KRT7: variants seen among roughly 807,000 people sequenced by gnomAD.
KRT7 encodes keratin 7.
In KRT7, 50 loss-of-function variants were observed where a neutral mutation model predicts 42.8. The observed-to-expected ratio is 1.17, with a 90% confidence interval of 0.93 to 1.48. The LOEUF is 1.48. KRT7 is among the 40% of genes most tolerant of loss of function. The pLI, the probability that KRT7 is intolerant of heterozygous loss-of-function variation, is 0.00. For missense variants in KRT7, 588 were observed against 637.6 expected (o/e 0.92, Z 0.84); for synonymous variants, 268 against 266.3 (o/e 1.01, Z -0.06).
intron 4 of KRT7, among the ~76,000 whole-genome samples, chr12:52,241,210 G>A (rs1942082997): frequency 6.6e-6 from 1 of 152,130 alleles, no homozygotes; most frequent in Admixed American, 6.5e-5. Context: ...AGTCACCACA[G>A]CGCACCACAC....
chr12:52,251,583 T>C (rs1386804803), downstream of KRT7, among the ~76,000 whole-genome samples: 1 of 152,244 alleles, frequency 6.6e-6, no homozygotes, highest in Admixed American at 6.5e-5. Context: ...AAGGCAACTG[T>C]AACACCATGG....
chr12:52,234,816 A>C (rs967906879), intron 1 of KRT7, among the ~76,000 whole-genome samples: 1 of 152,222 alleles, frequency 6.6e-6, no homozygotes, highest in African/African-American at 2.4e-5. Context: ...GGGCCTGGTC[A>C]TCCTCATGAT....
rs980057426 is a variant in KRT7 at position 52,237,442 on chromosome 12, T to G, written c.537-67T>G. 45 of 1,167,616 alleles carry G rather than the reference T, an allele frequency of 3.9e-5. No homozygotes were observed. The Admixed American group carries it at 8.3e-4, about 22-fold the overall frequency. The allele number at this position is 1,167,616 out of a possible 1,614,324, so 72.3% of individuals were successfully genotyped here. A position where few individuals can be genotyped will look rare whatever the true frequency, so the allele number is the denominator to read the frequency against. ...AGGCAGGGCAGATTTCACAGCTGCA[T>G]ATGGCGGAGGGGGGACGGGAGCATG... On this transcript the variant is annotated intron_variant, in intron 2 of 8. Coordinates refer to ENST00000331817, the MANE Select transcript of KRT7 (RefSeq NM_005556.4).
At chr12:52,240,629 CA>C (rs919934726) in intron 4 of KRT7, among the ~76,000 whole-genome samples, 5 of 131,492 alleles carry the variant, frequency 3.8e-5, no homozygotes, top group Middle Eastern at 4.2e-3. Flanking sequence ...AACTCTGTCT[CA>C]AAAAAAAAGA....
chr12:52,244,130 C>T (rs1327758920), intron 6 of KRT7, among the ~76,000 whole-genome samples: 1 of 152,200 alleles, frequency 6.6e-6, no homozygotes, highest in Non-Finnish European at 1.5e-5. Context: ...AAGCTGATTT[C>T]CAGATGAGCT....
At chr12:52,236,928 C>T (rs770551658) in intron 2 of KRT7, among the ~76,000 whole-genome samples, 2 of 152,104 alleles carry the variant, frequency 1.3e-5, no homozygotes, top group African/African-American at 4.8e-5. Context: ...CTTTGTGTAT[C>T]CCTCATCCTG....
chr12:52,251,543 C>T (rs765650744), downstream of KRT7, among the ~76,000 whole-genome samples: 8 of 152,238 alleles, frequency 5.3e-5, no homozygotes, highest in Admixed American at 1.3e-4. Flanking sequence ...AGCTACAAAT[C>T]TGTACAGCAT....
At chr12:52,240,350 C>T (rs1044997415) in intron 4 of KRT7, among the ~76,000 whole-genome samples, 2 of 152,180 alleles carry the variant, frequency 1.3e-5, no homozygotes, top group African/African-American at 4.8e-5. Flanking sequence ...GATTACTTGG[C>T]CAGGCGTGGT....
downstream of KRT7, chr12:52,251,915 A>T (rs1942271236): frequency 4.1e-6 from 2 of 482,396 alleles, no homozygotes; most frequent in African/African-American, 3.9e-5. Flanking sequence ...GTTGAGGCAG[A>T]GACTACATGG....
intron 2 of KRT7, among the ~76,000 whole-genome samples, chr12:52,236,738 A>G (rs1283031198): frequency 1.3e-5 from 2 of 152,048 alleles, no homozygotes; most frequent in Non-Finnish European, 2.9e-5. Flanking sequence ...CTTGTTTCCA[A>G]CACCTTTTTT....
chr12:52,244,416 C>T (rs755546943), intron 6 of KRT7: 229 of 985,582 alleles, frequency 2.3e-4, no homozygotes, highest in Admixed American at 6.1e-4. Flanking sequence ...CACTGAGGGG[C>T]GTCATGGGGA....
intron 2 of KRT7, among the ~76,000 whole-genome samples, chr12:52,236,203 C>CT: frequency 6.6e-6 from 1 of 150,978 alleles, no homozygotes; most frequent in Non-Finnish European, 1.5e-5. Context: ...GAGTGCCCCC[C>CT]CCCAACACTC....
At chr12:52,237,138 G>T (rs1047041340) in intron 2 of KRT7, among the ~76,000 whole-genome samples, 3 of 152,186 alleles carry the variant, frequency 2.0e-5, no homozygotes, top group African/African-American at 7.2e-5. Context: ...CATCGTTATA[G>T]GTTTGCTGTG....
downstream of KRT7, chr12:52,255,519 T>A: frequency 1.1e-5 from 5 of 437,194 alleles, no homozygotes; most frequent in Admixed American, 7.6e-5. Flanking sequence ...GTCACAAGAA[T>A]CAAAAAAGTG....
intron 4 of KRT7, among the ~76,000 whole-genome samples, chr12:52,239,753 G>A (rs1942058916): frequency 6.6e-6 from 1 of 152,168 alleles, no homozygotes; most frequent in Admixed American, 6.5e-5. Context: ...ACTCCCAGAG[G>A]GGCTGGGTGG....
At chr12:52,250,573 C>CCGTCA (rs1457422000), downstream of KRT7, 2 of 1,258,620 alleles carry the variant, frequency 1.6e-6, no homozygotes, top group Non-Finnish European at 2.2e-6. Context: ...CAGACGCTGC[C>CCGTCA]CGTCACCGGC....
At chr12:52,248,351 C>A in intron 8 of KRT7, 140 bp downstream of exon 8, 1 of 972,392 alleles carries the variant, frequency 1.0e-6, no homozygotes, top group East Asian at 2.6e-5. Flanking sequence ...TGACAGGTCC[C>A]CTGGAGCACA....
At chr12:52,238,856 G>A (rs73105199) in intron 4 of KRT7, 81 bp downstream of exon 4, 97,019 of 888,092 alleles carry the variant, frequency 0.11, 6,344 homozygotes, top group Non-Finnish European at 0.14. Flanking sequence ...CCCCGCCTCT[G>A]TGTCAGTCCA....
intron 4 of KRT7, among the ~76,000 whole-genome samples, chr12:52,240,831 T>G (rs1435795867): frequency 6.6e-6 from 1 of 152,140 alleles, no homozygotes; most frequent in African/African-American, 2.4e-5. Flanking sequence ...CGTGCAGGTT[T>G]GATACATAGG....
Sources: gnomAD v4.1 joint callset for allele counts (sites outside exome capture counted in the v4.1 genomes callset) on GRCh38, gnomAD v4.1.1 for gene constraint, MANE v1.5 for transcripts, NCBI Gene and HGNC (gene_info 2026-07-23, HGNC 2026-07-21) for gene names.